The following BBOX1 variants were observed in gnomAD, a reference collection of about 807,000 sequenced individuals.
The protein encoded by BBOX1 is gamma-butyrobetaine hydroxylase 1.
In BBOX1, 35 loss-of-function variants were observed where a neutral mutation model predicts 41.6. That is an observed-to-expected ratio of 0.84 (90% CI 0.64 to 1.11). The LOEUF (loss-of-function observed/expected upper bound fraction) is 1.11. BBOX1 is among the 50% of genes most tolerant of loss of function. The pLI is 0.00. For synonymous variants in BBOX1, 163 were observed against 154.7 expected (o/e 1.05, Z -0.40); for missense variants, 458 against 460.6 (o/e 0.99, Z 0.05).
chr11:27,064,529 T>A (rs1857224842), intron 4 of BBOX1, among the ~76,000 whole-genome samples: 1 of 152,184 alleles, frequency 6.6e-6, no homozygotes, highest in African/African-American at 2.4e-5. Context: ...GTGAAATGAA[T>A]ATAGCTATCT....
At chr11:27,053,640 A>G (rs1314613203) in intron 2 of BBOX1, among the ~76,000 whole-genome samples, 1 of 152,142 alleles carries the variant, frequency 6.6e-6, no homozygotes, top group East Asian at 1.9e-4. Flanking sequence ...GAAACAATGT[A>G]TGTGAGAAAA....
At chr11:27,125,928 C>A in intron 8 of BBOX1, 108 bp downstream of exon 8, 1 of 1,180,660 alleles carries the variant, frequency 8.5e-7, no homozygotes, top group Non-Finnish European at 1.2e-6. Flanking sequence ...ATGTAGAACA[C>A]CAACAACAGA....
At chr11:27,104,050 A>G (rs928790938) in intron 5 of BBOX1, among the ~76,000 whole-genome samples, 9 of 151,912 alleles carry the variant, frequency 5.9e-5, no homozygotes, top group African/African-American at 2.2e-4. Context: ...CTTTGTCTAC[A>G]TTTTTCCTAT....
intron 6 of BBOX1, among the ~76,000 whole-genome samples, chr11:27,118,937 A>AC (rs1859362310): frequency 6.6e-6 from 1 of 151,792 alleles, no homozygotes; most frequent in South Asian, 2.1e-4. Context: ...AAAAAAAAAA[A>AC]AACATAATCC....
chr11:27,043,459 C>CAGAATGTGCAGGTCTGGGGTACAT lies in BBOX1; in HGVS notation c.-39+1981_-39+1982insAGAATGTGCAGGTCTGGGGTACAT, dbSNP rs1564948369. On this transcript the variant is annotated intron_variant, in intron 2 of 8. Coordinates refer to ENST00000263182, the MANE Select transcript of BBOX1 (RefSeq NM_003986.3). ...GCAGAATGTGCAGGTTTGGGGTACA[C>CAGAATGTGCAGGTCTGGGGTACAT]GTGCAGAATGTGCAGGTATACACAT... Among the ~76,000 whole-genome samples the CAGAATGTGCAGGTCTGGGGTACAT allele has an allele frequency of 2.0e-5, 3 of 151,306 alleles. 1 individual carries two copies. The highest frequency in any genetic ancestry group is 2.1e-4 in the South Asian group (1 of 4,756).
At chr11:27,042,816 T>C (rs982499184) in intron 2 of BBOX1, among the ~76,000 whole-genome samples, 1 of 152,290 alleles carries the variant, frequency 6.6e-6, no homozygotes, top group Non-Finnish European at 1.5e-5. Flanking sequence ...AGAGTATGTA[T>C]GTACTCAAAT....
chr11:27,125,559 G>C, intron 7 of BBOX1, 95 bp from the exon 8 acceptor site: 1 of 1,069,084 alleles, frequency 9.4e-7, no homozygotes, highest in Non-Finnish European at 1.3e-6. Flanking sequence ...TTTTAATATG[G>C]TGTTTCAAAA....
intron 7 of BBOX1, among the ~76,000 whole-genome samples, chr11:27,121,809 T>G (rs1432982782): frequency 6.6e-6 from 1 of 152,276 alleles, no homozygotes; most frequent in Admixed American, 6.5e-5. Context: ...ATCAAAATTT[T>G]GTTAAGACAC....
At chr11:27,082,290 TGC>T (rs1857872551) in intron 4 of BBOX1, among the ~76,000 whole-genome samples, 1 of 152,092 alleles carries the variant, frequency 6.6e-6, no homozygotes, top group Non-Finnish European at 1.5e-5. Flanking sequence ...AGGTATATTG[TGC>T]CTCAGCAGAA....
intron 4 of BBOX1, among the ~76,000 whole-genome samples, chr11:27,087,685 T>C (rs907282244): frequency 6.6e-6 from 1 of 151,992 alleles, no homozygotes; most frequent in Admixed American, 6.6e-5. Context: ...TATGAAGAAT[T>C]TGAAAACTGG....
chr11:27,078,041 C>T (rs1035373316), intron 4 of BBOX1, among the ~76,000 whole-genome samples: 10 of 152,046 alleles, frequency 6.6e-5, no homozygotes, highest in Admixed American at 1.3e-4. Context: ...ACCCCCTCCA[C>T]GAGCATGTGG....
At chr11:27,124,318 A>C (rs1486765634) in intron 7 of BBOX1, among the ~76,000 whole-genome samples, 2 of 152,192 alleles carry the variant, frequency 1.3e-5, no homozygotes, top group Middle Eastern at 3.4e-3. Context: ...GGTCACCTTC[A>C]GTTTGCATGC....
At chr11:27,124,819 C>T (rs1324505287) in intron 7 of BBOX1, among the ~76,000 whole-genome samples, 3 of 152,158 alleles carry the variant, frequency 2.0e-5, no homozygotes, top group Admixed American at 6.5e-5. Context: ...CCACCGTGCC[C>T]GGCCTTCTTT....
intron 4 of BBOX1, among the ~76,000 whole-genome samples, chr11:27,071,192 G>T (rs921917299): frequency 6.6e-6 from 1 of 151,974 alleles, no homozygotes; most frequent in African/African-American, 2.4e-5. Context: ...GGCTAACACA[G>T]TGAAACCCCA....
chr11:27,059,007 GACA>G (rs773515225), intron 4 of BBOX1, among the ~76,000 whole-genome samples: 1 of 152,202 alleles, frequency 6.6e-6, no homozygotes, highest in Non-Finnish European at 1.5e-5. Context: ...TAATAGCCAA[GACA>G]ACAAGAAAAA....
At chr11:27,081,729 CT>C (rs1008673379) in intron 4 of BBOX1, among the ~76,000 whole-genome samples, 42 of 152,208 alleles carry the variant, frequency 2.8e-4, no homozygotes, top group African/African-American at 9.1e-4. Context: ...TGTTTCCTGA[CT>C]TTTTAATGAT....
chr11:27,057,726 T>C (rs560718564), intron 4 of BBOX1, among the ~76,000 whole-genome samples: 33 of 152,154 alleles, frequency 2.2e-4, no homozygotes, highest in Non-Finnish European at 3.4e-4. Context: ...TATTCATAGA[T>C]GGAATTATGG....
At chr11:27,062,013 A>G (rs1203615562) in intron 4 of BBOX1, among the ~76,000 whole-genome samples, 1 of 152,208 alleles carries the variant, frequency 6.6e-6, no homozygotes, top group Non-Finnish European at 1.5e-5. Flanking sequence ...AAAACCACAC[A>G]TAGAAAGTTA....
At chr11:27,104,714 G>A (rs932470030) in intron 5 of BBOX1, among the ~76,000 whole-genome samples, 1 of 152,140 alleles carries the variant, frequency 6.6e-6, no homozygotes, top group Non-Finnish European at 1.5e-5. Context: ...AGACTTAAAT[G>A]TCCCTGTCTG....
Sources: allele counts gnomAD v4.1 joint callset (sites outside exome capture counted in the v4.1 genomes callset), GRCh38; gene constraint gnomAD v4.1.1; transcripts MANE v1.5; gene names NCBI Gene and HGNC (gene_info 2026-07-23, HGNC 2026-07-21).